Variants in VPS13A observed in about 807,000 individuals in gnomAD.
VPS13A encodes the protein intermembrane lipid transfer protein VPS13A.
A neutral mutation model predicts 390.9 loss-of-function variants in VPS13A; 264 were observed. The ratio of observed to expected loss-of-function variants is 0.68; its 90% CI spans 0.61 to 0.75. VPS13A has a LOEUF of 0.75. Among genes scored for constraint, VPS13A ranks in the 30% least tolerant of loss-of-function variants. The pLI, the probability that VPS13A is intolerant of heterozygous loss-of-function variation, is 0.00. For missense variants in VPS13A, 3,409 were observed against 3,733.9 expected (o/e 0.91, Z 2.27); for synonymous variants, 1,231 against 1,227.1 (o/e 1.00, Z -0.07).
chr9:77,262,434 GT>G (rs548494268), intron 23 of VPS13A, among the ~76,000 whole-genome samples: 1 of 151,152 alleles, frequency 6.6e-6, no homozygotes, highest in African/African-American at 2.4e-5. Context: ...TGTAAAGAAG[GT>G]TTTTTTTTAT....
At chr9:77,337,956 T>A (rs897467672) in intron 47 of VPS13A, 2 of 155,726 alleles carry the variant, frequency 1.3e-5, no homozygotes, top group Admixed American at 1.3e-4. Context: ...TTTATTTTAC[T>A]TTTAGAATTA....
intron 45 of VPS13A, among the ~76,000 whole-genome samples, chr9:77,326,045 G>C (rs1257534806): frequency 6.6e-6 from 1 of 152,076 alleles, no homozygotes; most frequent in Non-Finnish European, 1.5e-5. Flanking sequence ...TAGATTGGCA[G>C]GGTTTTTCCC....
intron 68 of VPS13A, among the ~76,000 whole-genome samples, chr9:77,396,142 C>T (rs1039867022): frequency 2.6e-5 from 4 of 152,124 alleles, no homozygotes; most frequent in Non-Finnish European, 2.9e-5. Flanking sequence ...ATATTAAGTA[C>T]GTTAATTGAT....
At position 77,308,071 on chromosome 9, in the gene VPS13A, A is replaced by G. The variant is rs746070929; in HGVS notation, c.4087A>G (p.Thr1363Ala). Residue 1363 changes from threonine to alanine, a missense_variant, in exon 35 of 72, where the codon ACT becomes GCT. Physicochemically the swap from Thr to Ala is moderately conservative, Grantham distance 58. Around this residue, in one of 5 missense-constraint regions of VPS13A, gnomAD observed 2,717 missense variants for 2,917.4 expected, o/e 0.93. Coordinates refer to ENST00000360280, the MANE Select transcript of VPS13A (RefSeq NM_033305.3). ...CCAATACAGTGCCACTAGTGGAGTT[A>G]CTACTAATGCTTCACACCATTCAGG... ...KDQYSATSGV[T>A]TNASHHSGGA... 1.2e-6 allele frequency: 2 copies of G among 1,613,982 alleles called. No homozygotes were observed. The highest frequency in any genetic ancestry group is 2.2e-5 in the South Asian group (2 of 91,082).
chr9:77,340,495 A>G lies in VPS13A; in HGVS notation c.6971A>G (p.His2324Arg), dbSNP rs140512096. Reference sequence around the variant, plus strand: ...ATGATTAAAAACAAAAGCAAATACCATATATCAGTGGCTGAAGAAGGAAAT... The same window carrying G: ...ATGATTAAAAACAAAAGCAAATACCGTATATCAGTGGCTGAAGAAGGAAAT... ...FYMIKNKSKY[H>R]ISVAEEGNDK... Residue 2324 changes from histidine to arginine, a missense_variant, in exon 50 of 72, where the codon CAT (histidine) becomes CGT (arginine). Physicochemically the swap from His to Arg is conservative, Grantham distance 29 (BLOSUM62 0). Transcript: ENST00000360280. The G allele has an allele frequency of 4.9e-5, 79 of 1,613,398 alleles. No homozygotes were observed. The highest frequency in any genetic ancestry group is 3.4e-4 in the Middle Eastern group (2 of 5,902).
At chr9:77,330,116 A>G (rs1326847495) in intron 45 of VPS13A, among the ~76,000 whole-genome samples, 1 of 152,116 alleles carries the variant, frequency 6.6e-6, no homozygotes, top group Non-Finnish European at 1.5e-5. Context: ...TCCCAGGCTC[A>G]ATAATCCTCT....
intron 68 of VPS13A, among the ~76,000 whole-genome samples, chr9:77,388,594 A>ATTGCTACAT (rs1223061285): frequency 2.0e-5 from 3 of 152,136 alleles, no homozygotes; most frequent in Non-Finnish European, 4.4e-5. Flanking sequence ...TTGCTTACAC[A>ATTGCTACAT]TGTTTTAAGC....
At chr9:77,351,989 TAACCAAAAATGTTTAA>T (rs1831500835) in intron 53 of VPS13A, among the ~76,000 whole-genome samples, 1 of 152,260 alleles carries the variant, frequency 6.6e-6, no homozygotes, top group African/African-American at 2.4e-5. Context: ...AGTATTTACT[TAACCAAAAATGTTTAA>T]AACCAAAAGT....
At chr9:77,233,358 A>AT (rs1189555135) in intron 17 of VPS13A, among the ~76,000 whole-genome samples, 1 of 149,020 alleles carries the variant, frequency 6.7e-6, no homozygotes, top group Non-Finnish European at 1.5e-5. Flanking sequence ...GGCAACTTTG[A>AT]TTTTTTTTCA....
intron 3 of VPS13A, among the ~76,000 whole-genome samples, chr9:77,202,726 G>T (rs1345632142): frequency 6.6e-6 from 1 of 152,096 alleles, no homozygotes; most frequent in Non-Finnish European, 1.5e-5. Flanking sequence ...TTTAGAATCT[G>T]CCCGCCTTCT....
At chr9:77,282,316 A>G in intron 29 of VPS13A, 42 bp downstream of exon 29, 1 of 1,465,376 alleles carries the variant, frequency 6.8e-7, no homozygotes, top group South Asian at 1.2e-5. Flanking sequence ...TTTTTTTTTT[A>G]ACCATGTAGG....
intron 68 of VPS13A, among the ~76,000 whole-genome samples, chr9:77,387,702 A>G (rs1305030238): frequency 6.6e-6 from 1 of 152,214 alleles, no homozygotes; most frequent in Non-Finnish European, 1.5e-5. Flanking sequence ...GTATTATAGA[A>G]AAGGAAGTCA....
intron 20 of VPS13A, among the ~76,000 whole-genome samples, chr9:77,249,827 A>C (rs1201513994): frequency 6.6e-6 from 1 of 152,206 alleles, no homozygotes; most frequent in Non-Finnish European, 1.5e-5. Context: ...ACATTTAAAA[A>C]ATTTGTAGAC....
At chr9:77,206,344 T>TATATATAC (rs1554859695) in intron 5 of VPS13A, among the ~76,000 whole-genome samples, 6 of 149,278 alleles carry the variant, frequency 4.0e-5, no homozygotes, top group Non-Finnish European at 5.9e-5. Flanking sequence ...TATATATATA[T>TATATATAC]ACACACACAC....
intron 22 of VPS13A, among the ~76,000 whole-genome samples, chr9:77,256,069 T>A (rs1253295184): frequency 6.6e-6 from 1 of 152,078 alleles, no homozygotes; most frequent in Non-Finnish European, 1.5e-5. Context: ...TCTAGTTCCT[T>A]AAGGTGTAAA....
At chr9:77,200,584 CATGCTGTGTCACCCCAGGCTGCAGTGCA>C (rs1292885746) in intron 2 of VPS13A, among the ~76,000 whole-genome samples, 1 of 152,020 alleles carries the variant, frequency 6.6e-6, no homozygotes, top group Admixed American at 6.6e-5. Context: ...AAGACAGGCT[CATGCTGTGTCACCCCAGGCTGCAGTGCA>C]GTGGTGTGAT....
chr9:77,234,000 G>T (rs904509247), intron 17 of VPS13A, among the ~76,000 whole-genome samples: 2 of 152,090 alleles, frequency 1.3e-5, no homozygotes, highest in African/African-American at 4.8e-5. Flanking sequence ...ATTTCTAAGT[G>T]TTATTGTGAG....
intron 69 of VPS13A, 143 bp from the exon 70 acceptor site, chr9:77,405,717 AGTTC>A: frequency 9.5e-7 from 1 of 1,053,526 alleles, no homozygotes; most frequent in East Asian, 2.7e-5. Context: ...TTATGGTTCC[AGTTC>A]TTTTAAATTC....
chr9:77,194,285 C>T (rs570215121), intron 1 of VPS13A, among the ~76,000 whole-genome samples: 2 of 151,340 alleles, frequency 1.3e-5, no homozygotes, highest in South Asian at 2.1e-4. Context: ...GGAAGTGCTG[C>T]GGTTGGGCAT....
Sources: gnomAD v4.1 joint callset for allele counts (sites outside exome capture counted in the v4.1 genomes callset) on GRCh38, gnomAD v4.1.1 for gene constraint, gnomAD v4.1.1 regional missense constraint, MANE v1.5 for transcripts, NCBI Gene and HGNC (gene_info 2026-07-23, HGNC 2026-07-21) for gene names.